Variants in SYNPR observed in about 807,000 individuals in gnomAD.
SYNPR encodes synaptoporin.
SYNPR carries 23 observed loss-of-function variants against 32.9 expected under a neutral mutation model. The ratio of observed to expected loss-of-function variants is 0.70; its 90% CI spans 0.50 to 0.99. The LOEUF (loss-of-function observed/expected upper bound fraction) is 0.99. SYNPR is among the 50% of genes least tolerant of loss of function. The probability of loss-of-function intolerance (pLI) is 0.00; values close to 1 mark genes in which losing one functional copy is unlikely to be tolerated. For missense variants in SYNPR, 318 were observed against 349.3 expected, an observed-to-expected ratio of 0.91 and a Z score of 0.71; for synonymous variants, 146 against 135.9, an observed-to-expected ratio of 1.07 and a Z score of -0.52.
chr3:63,355,055 G>C (rs1480260801), intron 2 of SYNPR, among the ~76,000 whole-genome samples: 3 of 152,172 alleles, frequency 2.0e-5, no homozygotes, highest in Non-Finnish European at 4.4e-5. Flanking sequence ...AAGGCAGGTG[G>C]ATCATTTGAT....
Position 63,458,049 on chromosome 3 carries a change from G to C in SYNPR, c.85-22783G>C, listed in dbSNP as rs75569400. 8.5e-3 allele frequency among the ~76,000 whole-genome samples: 1,288 copies of C among 152,060 alleles called. 57 individuals carry two copies. The East Asian group carries it at 0.13, about 16-fold the overall frequency. On this transcript the variant is annotated intron_variant, in intron 2 of 5. Coordinates refer to ENST00000478300, the MANE Select transcript of SYNPR (RefSeq NM_001130003.2). ...CTTCCTAATCCCAGTTATTCATTCA[G>C]CTATTATTAAAATCTGGGTATCTTG...
chr3:63,504,736 G>C (rs1233666149), intron 3 of SYNPR, among the ~76,000 whole-genome samples: 3 of 152,262 alleles, frequency 2.0e-5, no homozygotes, highest in Admixed American at 6.5e-5. Flanking sequence ...GAAAATGGGA[G>C]AGACTTCTGT....
chr3:63,344,033 T>C (rs540154481), intron 2 of SYNPR, among the ~76,000 whole-genome samples: 5 of 152,358 alleles, frequency 3.3e-5, no homozygotes, highest in Non-Finnish European at 5.9e-5. Flanking sequence ...CTCGCTCATA[T>C]GCTGTTCAGA....
chr3:63,443,509 G>T, intron 2 of SYNPR: 1 of 1,594,848 alleles, frequency 6.3e-7, no homozygotes, highest in Non-Finnish European at 8.6e-7. Context: ...TGGCTGTGGG[G>T]ATATGTGTGT....
chr3:63,396,174 A>G (rs1293162497), intron 2 of SYNPR, among the ~76,000 whole-genome samples: 1 of 152,174 alleles, frequency 6.6e-6, no homozygotes, highest in African/African-American at 2.4e-5. Flanking sequence ...CCGCTCCACA[A>G]TTAATTCTGG....
chr3:63,294,103 G>T (rs1162609785), intron 2 of SYNPR, among the ~76,000 whole-genome samples: 1 of 152,074 alleles, frequency 6.6e-6, no homozygotes, highest in Non-Finnish European at 1.5e-5. Flanking sequence ...ATGTGATTAT[G>T]CTGTATGCCT....
intron 4 of SYNPR, among the ~76,000 whole-genome samples, chr3:63,567,928 T>C (rs1702820555): frequency 6.6e-6 from 1 of 152,218 alleles, no homozygotes; most frequent in Non-Finnish European, 1.5e-5. Context: ...TCTCAAGAAA[T>C]AGACAGCTAA....
rs145573417 is a variant in SYNPR, at chr3:63,422,362, GA to G, written c.85-58461del. 8.3e-3 allele frequency among the ~76,000 whole-genome samples: 1,243 copies of G among 150,336 alleles called. 40 individuals carry two copies. Among genetic ancestry groups the G allele is most frequent in the Admixed American group, 0.049 (745 of 15,100 alleles). On this transcript the variant is annotated intron_variant, in intron 2 of 5. Transcript: ENST00000478300. ...TCATTGTTCCATCATGTAGACACAT[GA>G]AAAAAAAATACTATTTTAAGAACAA...
intron 2 of SYNPR, among the ~76,000 whole-genome samples, chr3:63,288,757 GTA>G (rs2086710002): frequency 6.6e-6 from 1 of 152,130 alleles, no homozygotes; most frequent in Non-Finnish European, 1.5e-5. Context: ...TTTCTTGTGT[GTA>G]AGTGTTTACT....
chr3:63,221,912 G>A, the SYNPR span, among the ~76,000 whole-genome samples: 1 of 150,858 alleles, frequency 6.6e-6, no homozygotes, highest in African/African-American at 2.4e-5. Context: ...CAAATACGTT[G>A]TTGATGATCC....
At chr3:63,602,213 T>G (rs187808955) in intron 4 of SYNPR, among the ~76,000 whole-genome samples, 16 of 152,272 alleles carry the variant, frequency 1.1e-4, no homozygotes, top group African/African-American at 3.8e-4. Flanking sequence ...GATTGTTGAT[T>G]TGTTTAAGTT....
chr3:63,226,982 A>G (rs1215346637), upstream of SYNPR, among the ~76,000 whole-genome samples: 1 of 152,214 alleles, frequency 6.6e-6, no homozygotes, highest in East Asian at 1.9e-4. Flanking sequence ...TACTTCATAA[A>G]TATGTAAAAT....
chr3:63,534,414 A>G (rs1265492946), intron 3 of SYNPR, among the ~76,000 whole-genome samples: 6 of 152,174 alleles, frequency 3.9e-5, no homozygotes, highest in African/African-American at 1.2e-4. Flanking sequence ...TCTCATTTGC[A>G]ATATCTCACT....
chr3:63,491,101 G>A (rs550921577), intron 3 of SYNPR, among the ~76,000 whole-genome samples: 3 of 151,124 alleles, frequency 2.0e-5, no homozygotes, highest in Admixed American at 6.6e-5. Context: ...GACAACCAGC[G>A]GATTTGACTT....
chr3:63,596,205 T>C (rs972695997), intron 4 of SYNPR, among the ~76,000 whole-genome samples: 1 of 150,858 alleles, frequency 6.6e-6, no homozygotes, highest in African/African-American at 2.4e-5. Flanking sequence ...TTTCTCTTCC[T>C]TCTCCCTTCT....
chr3:63,321,342 A>T (rs966632951), intron 2 of SYNPR, among the ~76,000 whole-genome samples: 4 of 152,096 alleles, frequency 2.6e-5, no homozygotes, highest in African/African-American at 9.7e-5. Context: ...GAAAAGTCCA[A>T]AGAAGAAAGT....
At chr3:63,543,772 G>A (rs1312291533) in intron 3 of SYNPR, among the ~76,000 whole-genome samples, 1 of 152,050 alleles carries the variant, frequency 6.6e-6, no homozygotes, top group Non-Finnish European at 1.5e-5. Flanking sequence ...GCAGGAAGTA[G>A]CCCTCGTCCC....
intron 2 of SYNPR, among the ~76,000 whole-genome samples, chr3:63,341,085 T>C (rs13090177): frequency 0.21 from 31,271 of 152,144 alleles, 3,791 homozygotes; most frequent in South Asian, 0.39. Flanking sequence ...TGACTTTTTA[T>C]GGTCTCTATA....
At chr3:63,244,605 G>C (rs2086271372) in intron 1 of SYNPR, among the ~76,000 whole-genome samples, 1 of 152,072 alleles carries the variant, frequency 6.6e-6, no homozygotes, top group Non-Finnish European at 1.5e-5. Context: ...AATGGCGCAT[G>C]CATTTTGTGT....
Sources: allele counts gnomAD v4.1 joint callset (sites outside exome capture counted in the v4.1 genomes callset), GRCh38; gene constraint gnomAD v4.1.1; transcripts MANE v1.5; gene names NCBI Gene and HGNC (gene_info 2026-07-23, HGNC 2026-07-21).